The following ZC2HC1A variants were observed in gnomAD, a reference collection of about 807,000 sequenced individuals.
The protein encoded by ZC2HC1A is zinc finger C2HC-type containing 1A.
ZC2HC1A carries 28 observed loss-of-function variants against 40.7 expected under a neutral mutation model. The observed-to-expected ratio is 0.69, with a 90% CI of 0.51 to 0.94. The LOEUF is 0.94. Among genes scored for constraint, ZC2HC1A ranks in the 40% least tolerant of loss-of-function variants. The pLI, the probability that ZC2HC1A is intolerant of heterozygous loss-of-function variation, is 0.00. For synonymous variants in ZC2HC1A, 129 were observed against 129.2 expected, an observed-to-expected ratio of 1.00 and a Z score of 0.01; for missense variants, 389 against 386.3, an observed-to-expected ratio of 1.01 and a Z score of -0.06.
intron 1 of ZC2HC1A, 25 bp from the exon 2 acceptor site, chr8:78,675,758 ATTAT>A (rs1417032009): frequency 1.7e-5 from 26 of 1,544,664 alleles, no homozygotes; most frequent in Non-Finnish European, 2.1e-5. Flanking sequence ...AGTTATATAA[ATTAT>A]TTATTAAATT....
chr8:78,680,122 G>A (rs1383337115), intron 3 of ZC2HC1A, among the ~76,000 whole-genome samples: 1 of 151,898 alleles, frequency 6.6e-6, no homozygotes, highest in Non-Finnish European at 1.5e-5. Context: ...ATCTTGTGTG[G>A]TTATTGTAGG....
intron 7 of ZC2HC1A, among the ~76,000 whole-genome samples, chr8:78,706,511 G>T (rs961074110): frequency 6.6e-6 from 1 of 152,086 alleles, no homozygotes; most frequent in Non-Finnish European, 1.5e-5. Context: ...GAGAAGCGTG[G>T]TTTCCCAGGG....
chr8:78,666,813 A>G (rs1451166876), intron 1 of ZC2HC1A, among the ~76,000 whole-genome samples: 1 of 152,092 alleles, frequency 6.6e-6, no homozygotes, highest in Non-Finnish European at 1.5e-5. Context: ...CTTTGGGTTT[A>G]TCTTTGTACT....
Position 78,715,234 on chromosome 8 carries a change from C to T in ZC2HC1A, c.718C>T (p.Pro240Ser), listed in dbSNP as rs1811062507. The change falls in exon 8 of 9, where the codon CCC becomes TCC. Residue 240 changes from proline (P) to serine (S), a missense_variant. Transcript: ENST00000263849. ...TCTTTTTTATAGAGCTAATGTCAAA[C>T]CCCGAAATTCCACACCACCTAGTTT... ...AAPHAGANVK[P>S]RNSTPPSLAR... The T allele has an allele frequency of 6.2e-7, 1 of 1,613,506 alleles. No homozygotes were observed. Among genetic ancestry groups the T allele is most frequent in the Non-Finnish European group, 8.5e-7 (1 of 1,179,810 alleles).
intron 4 of ZC2HC1A, among the ~76,000 whole-genome samples, chr8:78,687,658 TTA>T (rs1381244551): frequency 2.4e-5 from 3 of 123,864 alleles, no homozygotes; most frequent in Non-Finnish European, 1.6e-5. Context: ...ACGTAATACA[TTA>T]TATATATTTA....
intron 1 of ZC2HC1A, among the ~76,000 whole-genome samples, chr8:78,668,042 G>A (rs1809350664): frequency 6.6e-6 from 1 of 151,708 alleles, no homozygotes; most frequent in South Asian, 2.1e-4. Flanking sequence ...ATGTGAAGTT[G>A]CCCTAAATTA....
chr8:78,696,780 G>C (rs979787614), intron 5 of ZC2HC1A, among the ~76,000 whole-genome samples: 59 of 152,030 alleles, frequency 3.9e-4, no homozygotes, highest in African/African-American at 1.3e-3. Context: ...TCAGGTCCTA[G>C]GTCATCTTAC....
At chr8:78,697,706 T>C (rs1384176570) in intron 6 of ZC2HC1A, among the ~76,000 whole-genome samples, 200 bp downstream of exon 6, 1 of 149,068 alleles carries the variant, frequency 6.7e-6, no homozygotes, top group Admixed American at 6.8e-5. Flanking sequence ...TTTGACGGAG[T>C]CTTGCTCTGT....
At chr8:78,666,544 C>T (rs1253079149) in intron 1 of ZC2HC1A, among the ~76,000 whole-genome samples, 3 of 152,228 alleles carry the variant, frequency 2.0e-5, no homozygotes, top group Non-Finnish European at 4.4e-5. Context: ...TTATTGTCCA[C>T]GGCCTTAACA....
chr8:78,708,626 A>G (rs1391454613), intron 7 of ZC2HC1A, among the ~76,000 whole-genome samples: 1 of 151,908 alleles, frequency 6.6e-6, no homozygotes, highest in Non-Finnish European at 1.5e-5. Context: ...AAACAACAAA[A>G]CACACCCAAG....
At chr8:78,675,985 CT>C in intron 2 of ZC2HC1A, 122 bp downstream of exon 2, 2 of 746,990 alleles carry the variant, frequency 2.7e-6, no homozygotes, top group Non-Finnish European at 4.3e-6. Flanking sequence ...GGGTACTATT[CT>C]TTGTTCAAGG....
At chr8:78,714,404 A>G (rs1811036010) in intron 7 of ZC2HC1A, among the ~76,000 whole-genome samples, 2 of 152,202 alleles carry the variant, frequency 1.3e-5, no homozygotes, top group South Asian at 2.1e-4. Flanking sequence ...AACAGTAGTA[A>G]TAGTATTAGC....
At chr8:78,669,417 A>G (rs1585972196) in intron 1 of ZC2HC1A, among the ~76,000 whole-genome samples, 2 of 152,338 alleles carry the variant, frequency 1.3e-5, no homozygotes, top group African/African-American at 4.8e-5. Flanking sequence ...AGGCCCTCTC[A>G]GTGTGTGTTT....
At chr8:78,709,763 G>A (rs1218390254) in intron 7 of ZC2HC1A, among the ~76,000 whole-genome samples, 13 of 151,756 alleles carry the variant, frequency 8.6e-5, no homozygotes, top group African/African-American at 1.7e-4. Flanking sequence ...GAAAGTTTAC[G>A]AATTTGTATA....
intron 3 of ZC2HC1A, among the ~76,000 whole-genome samples, chr8:78,682,817 A>T (rs1809832489): frequency 6.6e-6 from 1 of 152,184 alleles, no homozygotes; most frequent in Non-Finnish European, 1.5e-5. Flanking sequence ...GAGTCTCTAA[A>T]ATCAAAAACA....
intron 1 of ZC2HC1A, among the ~76,000 whole-genome samples, chr8:78,666,528 T>C (rs1276541765): frequency 6.6e-6 from 1 of 152,190 alleles, no homozygotes; most frequent in Non-Finnish European, 1.5e-5. Flanking sequence ...TACTGGACTC[T>C]CTCCATTATT....
chr8:78,697,935 C>T (rs188069947), intron 6 of ZC2HC1A, among the ~76,000 whole-genome samples: 40 of 152,158 alleles, frequency 2.6e-4, no homozygotes, highest in Admixed American at 1.4e-3. Flanking sequence ...ACCTGAGCCT[C>T]CTAAAGTGCT....
intron 3 of ZC2HC1A, among the ~76,000 whole-genome samples, chr8:78,680,038 CG>C (rs918034721): frequency 3.3e-5 from 5 of 151,868 alleles, no homozygotes; most frequent in African/African-American, 1.2e-4. Flanking sequence ...TGCTACATAC[CG>C]TATTATTCTG....
chr8:78,712,466 CAGTATATAAT>C (rs1236070691), intron 7 of ZC2HC1A, among the ~76,000 whole-genome samples: 1 of 151,842 alleles, frequency 6.6e-6, no homozygotes, highest in African/African-American at 2.4e-5. Context: ...ATGTCTTGTA[CAGTATATAAT>C]ATTGTTAGAT....
Sources: allele counts gnomAD v4.1 joint callset (sites outside exome capture counted in the v4.1 genomes callset), GRCh38; gene constraint gnomAD v4.1.1; transcripts MANE v1.5; gene names NCBI Gene and HGNC (gene_info 2026-07-23, HGNC 2026-07-21).